STAB2: variants seen among roughly 807,000 people sequenced by gnomAD.
STAB2 encodes the protein stabilin-2.
STAB2 carries 288 observed loss-of-function variants against 338.1 expected under a neutral mutation model. That is an observed-to-expected ratio of 0.85 (90% CI 0.77 to 0.94). The LOEUF is 0.94. Among genes scored for constraint, STAB2 ranks in the 40% least tolerant of loss-of-function variants. STAB2 has a pLI of 0.00. For synonymous variants in STAB2, 1,202 were observed against 1,193.3 expected, an observed-to-expected ratio of 1.01 and a Z score of -0.15; for missense variants, 3,141 against 3,210.1, an observed-to-expected ratio of 0.98 and a Z score of 0.52.
chr12:103,673,281 C>T (rs896109028), intron 22 of STAB2, among the ~76,000 whole-genome samples: 2 of 151,966 alleles, frequency 1.3e-5, no homozygotes, highest in African/African-American at 2.4e-5. Flanking sequence ...TCTTTCAAAG[C>T]GTCACATCCT....
intron 17 of STAB2, among the ~76,000 whole-genome samples, chr12:103,661,104 G>A (rs568057519): frequency 6.6e-6 from 1 of 152,170 alleles, no homozygotes; most frequent in South Asian, 2.1e-4. Context: ...GCACAGAACA[G>A]GAGGAGTCTG....
intron 55 of STAB2, among the ~76,000 whole-genome samples, chr12:103,741,298 G>A (rs1257265284): frequency 6.6e-6 from 1 of 152,162 alleles, no homozygotes; most frequent in Non-Finnish European, 1.5e-5. Context: ...TACATCAACA[G>A]GTGCACGTAA....
intron 25 of STAB2, among the ~76,000 whole-genome samples, chr12:103,678,753 A>G (rs938148978): frequency 2.6e-5 from 4 of 151,914 alleles, no homozygotes; most frequent in Non-Finnish European, 5.9e-5. Flanking sequence ...GCTGGTCTCA[A>G]ACTCCCGATC....
At chr12:103,651,692 T>G (rs1190111981) in intron 11 of STAB2, among the ~76,000 whole-genome samples, 1 of 152,060 alleles carries the variant, frequency 6.6e-6, no homozygotes, top group African/African-American at 2.4e-5. Context: ...TAAATAAACA[T>G]TTAAGTAAAT....
chr12:103,745,207 T>C lies in STAB2; in HGVS notation c.6066T>C (p.Asp2022=). The change falls in exon 57 of 69, where the codon GAT becomes GAC. Residue 2022 remains aspartate (D), a synonymous_variant. Coordinates refer to ENST00000388887, the MANE Select transcript of STAB2 (RefSeq NM_017564.10). ...CGCSDHGQCD[D]GITGSGQCLC... The stretch of plus-strand genomic sequence containing the variant: ...GCTCAGACCACGGACAGTGCGATGA[T>C]GGCATCACGGGCTCCGGGCAGTGCC... 2 of 1,614,036 alleles carry C rather than the reference T, an allele frequency of 1.2e-6. No individual in the cohort carries two copies. The highest frequency in any genetic ancestry group is 1.7e-6 in the Non-Finnish European group (2 of 1,180,000).
chr12:103,631,388 C>T (rs1402603077), intron 5 of STAB2, among the ~76,000 whole-genome samples: 2 of 150,962 alleles, frequency 1.3e-5, no homozygotes, highest in Admixed American at 6.6e-5. Flanking sequence ...CATTATGTTA[C>T]TTGACTCTAT....
chr12:103,720,288 G>A (rs1472690187), intron 44 of STAB2, among the ~76,000 whole-genome samples: 1 of 152,160 alleles, frequency 6.6e-6, no homozygotes, highest in Non-Finnish European at 1.5e-5. Context: ...AGATTCTGAA[G>A]GTCTTTTGCT....
chr12:103,623,764 G>C (rs1236638264), intron 5 of STAB2, among the ~76,000 whole-genome samples: 6 of 152,118 alleles, frequency 3.9e-5, no homozygotes, highest in Admixed American at 1.3e-4. Flanking sequence ...GCAGCAACAG[G>C]GAATTAATAT....
intron 53 of STAB2, 112 bp from the exon 54 acceptor site, chr12:103,739,300 C>A: frequency 4.0e-6 from 4 of 993,368 alleles, no homozygotes; most frequent in Admixed American, 3.3e-5. Flanking sequence ...TTGATCATAG[C>A]CAGAGTCTTA....
At position 103,695,733 on chromosome 12, in the gene STAB2, G is replaced by A. The variant is rs774659850; in HGVS notation, c.3475-4G>A. The stretch of plus-strand genomic sequence containing the variant: ...TCATGCACTCTTGTCTCTTTCCATC[G>A]CAGCAATATAATCTGGCGAATGCAA... On this transcript the variant is annotated splice_region_variant and splice_polypyrimidine_tract_variant and intron_variant, in intron 32 of 68. Transcript: ENST00000388887. 43 of 1,613,940 alleles carry A rather than the reference G, an allele frequency of 2.7e-5. No individual in the cohort carries two copies. Among genetic ancestry groups the A allele is most frequent in the Non-Finnish European group, 3.1e-5 (37 of 1,179,994 alleles).
intron 48 of STAB2, 126 bp downstream of exon 48, chr12:103,729,121 C>G: frequency 1.2e-6 from 1 of 854,106 alleles, no homozygotes; most frequent in East Asian, 2.6e-5. Flanking sequence ...TGCTGCATGT[C>G]CTCACTTACA....
chr12:103,626,531 C>T (rs1957383618), intron 5 of STAB2, among the ~76,000 whole-genome samples: 1 of 152,214 alleles, frequency 6.6e-6, no homozygotes, highest in African/African-American at 2.4e-5. Flanking sequence ...GTCACAAGCA[C>T]TCAATCAATG....
chr12:103,691,031 T>C (rs1215346203), intron 30 of STAB2, among the ~76,000 whole-genome samples: 5 of 152,218 alleles, frequency 3.3e-5, no homozygotes, highest in Non-Finnish European at 2.9e-5. Context: ...CCTACTACTA[T>C]GTACCAGGCA....
intron 21 of STAB2, 126 bp downstream of exon 21, chr12:103,669,753 A>T: frequency 1.3e-6 from 1 of 775,916 alleles, no homozygotes; most frequent in South Asian, 1.7e-5. Context: ...CCTTACTAAA[A>T]GAACAGCAGG....
chr12:103,737,622 T>TATTTA lies in STAB2; in HGVS notation c.5551-12_5551-11insATTTA. ...TCTCTTTCTCTTTTTTTTTTTTTTT[T>TATTTA]TTCTTTCTTAGGGTGACCTCTTTCT... On this transcript the variant is annotated splice_polypyrimidine_tract_variant and intron_variant, in intron 52 of 68. Coordinates refer to ENST00000388887, the MANE Select transcript of STAB2 (RefSeq NM_017564.10). 4 of 1,508,666 alleles carry TATTTA rather than the reference T, an allele frequency of 2.7e-6. No homozygotes were observed. Among genetic ancestry groups the TATTTA allele is most frequent in the Non-Finnish European group, 3.5e-6 (4 of 1,127,884 alleles). The allele number at this position is 1,508,666 out of a possible 1,614,324, so 93.5% of individuals were successfully genotyped here.
chr12:103,739,301 C>T, intron 53 of STAB2, 111 bp from the exon 54 acceptor site: 1 of 999,052 alleles, frequency 1.0e-6, no homozygotes, highest in Non-Finnish European at 1.4e-6. Context: ...TGATCATAGC[C>T]AGAGTCTTAA....
At chr12:103,612,448 A>T (rs1957139894) in intron 3 of STAB2, among the ~76,000 whole-genome samples, 1 of 152,178 alleles carries the variant, frequency 6.6e-6, no homozygotes, top group Admixed American at 6.5e-5. Flanking sequence ...TCTTCCAATC[A>T]CTGATACCCT....
chr12:103,666,012 C>T (rs755598), intron 18 of STAB2, among the ~76,000 whole-genome samples: 14 of 152,032 alleles, frequency 9.2e-5, no homozygotes, highest in African/African-American at 1.7e-4. Context: ...GCTGGGAGCC[C>T]GTGGACAGGC....
In STAB2 at chr12:103,706,901, C is replaced by T; in HGVS notation, c.4106C>T (p.Thr1369Ile). Residue 1369 changes from threonine to isoleucine, a missense_variant, in exon 38 of 69, where the codon ACA (threonine) becomes ATA (isoleucine). Physicochemically the swap from Thr to Ile is moderately conservative, Grantham distance 89 (BLOSUM62 -1). Transcript: ENST00000388887. ...NGICLDGVNG[T>I]GVCECGEGFS... Reference sequence around the variant, plus strand: ...ATCTGTTTGGATGGAGTGAATGGCACAGGTGTGTGTGAGTGTGGGGAGGGC... The same window carrying T: ...ATCTGTTTGGATGGAGTGAATGGCATAGGTGTGTGTGAGTGTGGGGAGGGC... The T allele has an allele frequency of 6.2e-6, 10 of 1,614,204 alleles. No homozygotes were observed. Among genetic ancestry groups the T allele is most frequent in the Non-Finnish European group, 8.5e-6 (10 of 1,180,044 alleles).
Sources: allele counts gnomAD v4.1 joint callset (sites outside exome capture counted in the v4.1 genomes callset), GRCh38; gene constraint gnomAD v4.1.1; transcripts MANE v1.5; gene names NCBI Gene and HGNC (gene_info 2026-07-23, HGNC 2026-07-21).